Variants in SLC71A2 observed in about 807,000 individuals in gnomAD.
SLC71A2 encodes the protein hippocampus abundant transcript-like 1.
At chr9:94,397,315 T>A in the SLC71A2 span, among the ~76,000 whole-genome samples, 1 of 152,036 alleles carries the variant, frequency 6.6e-6, no homozygotes, top group Non-Finnish European at 1.5e-5. Flanking sequence ...TGCACTATTA[T>A]CAGCTAAAAG....
the SLC71A2 span, among the ~76,000 whole-genome samples, chr9:94,455,900 G>T: frequency 3.3e-5 from 5 of 152,048 alleles, no homozygotes; most frequent in South Asian, 4.2e-4. Context: ...GAGAAAATGT[G>T]GTATTTATAG....
At chr9:94,403,427 C>G in the SLC71A2 span, among the ~76,000 whole-genome samples, 3 of 151,910 alleles carry the variant, frequency 2.0e-5, no homozygotes, top group African/African-American at 7.2e-5. Flanking sequence ...CATGAGCCAC[C>G]GTTACCAGCC....
chr9:94,381,264 G>A, the SLC71A2 span, among the ~76,000 whole-genome samples: 1 of 150,462 alleles, frequency 6.6e-6, no homozygotes, highest in South Asian at 2.1e-4. Context: ...TCAAACTCCC[G>A]ACCTCAGACC....
the SLC71A2 span, among the ~76,000 whole-genome samples, chr9:94,404,981 T>G: frequency 4.0e-4 from 61 of 152,162 alleles, no homozygotes; most frequent in Non-Finnish European, 2.1e-4. Context: ...TGCTTTTATG[T>G]TTAGATTTTT....
the SLC71A2 span, chr9:94,461,006 T>G: frequency 6.6e-6 from 1 of 152,158 alleles, no homozygotes; most frequent in Non-Finnish European, 1.5e-5. Flanking sequence ...AGTTGTAATC[T>G]TTCAGCTGAT....
the SLC71A2 span, among the ~76,000 whole-genome samples, chr9:94,409,129 C>CT: frequency 0.057 from 3,898 of 68,170 alleles, 555 homozygotes; most frequent in East Asian, 0.25. Context: ...GCCCGGCCTC[C>CT]TTTTTTTTTT....
the SLC71A2 span, among the ~76,000 whole-genome samples, chr9:94,454,260 C>T: frequency 4.6e-5 from 7 of 152,278 alleles, no homozygotes; most frequent in South Asian, 6.2e-4. Flanking sequence ...ATAAAGACTA[C>T]CTTTATGTCA....
the SLC71A2 span, chr9:94,458,608 C>T: frequency 5.6e-4 from 432 of 770,290 alleles, 1 homozygote; most frequent in Middle Eastern, 1.1e-3. Flanking sequence ...CATTGCTTCT[C>T]GGGATCAGGG....
chr9:94,458,829 A>G, the SLC71A2 span, among the ~76,000 whole-genome samples: 5 of 152,198 alleles, frequency 3.3e-5, no homozygotes, highest in African/African-American at 4.8e-5. Context: ...CCTCTAAGCC[A>G]TATCTATACA....
chr9:94,449,729 T>G, the SLC71A2 span, among the ~76,000 whole-genome samples: 4 of 152,252 alleles, frequency 2.6e-5, no homozygotes, highest in African/African-American at 9.6e-5. Flanking sequence ...TAGGTATATA[T>G]ACCCATGAGA....
chr9:94,423,330 T>G, the SLC71A2 span, among the ~76,000 whole-genome samples: 1 of 150,544 alleles, frequency 6.6e-6, no homozygotes, highest in Admixed American at 6.6e-5. Context: ...ATCTAAAAAA[T>G]ATTTATTACA....
At chr9:94,458,786 T>C in the SLC71A2 span, among the ~76,000 whole-genome samples, 2 of 152,212 alleles carry the variant, frequency 1.3e-5, no homozygotes, top group African/African-American at 4.8e-5. Context: ...GGGTACTTTT[T>C]GTACTATTTA....
At chr9:94,405,137 A>G in the SLC71A2 span, among the ~76,000 whole-genome samples, 1 of 152,132 alleles carries the variant, frequency 6.6e-6, no homozygotes, top group Non-Finnish European at 1.5e-5. Context: ...CCCTTGTTGC[A>G]TATCATTTGT....
At chr9:94,453,872 TCAGGGAAGGGTCTTC>T in the SLC71A2 span, 5 of 894,442 alleles carry the variant, frequency 5.6e-6, no homozygotes, top group South Asian at 7.0e-5. Context: ...TCTCTGGTCA[TCAGGGAAGGGTCTTC>T]ACACACAGAG....
the SLC71A2 span, among the ~76,000 whole-genome samples, chr9:94,405,830 G>A: frequency 6.6e-6 from 1 of 151,348 alleles, no homozygotes; most frequent in Non-Finnish European, 1.5e-5. Context: ...CTTGCAAAAA[G>A]CATCATTGGG....
chr9:94,443,573 T>A, the SLC71A2 span, among the ~76,000 whole-genome samples: 1 of 152,168 alleles, frequency 6.6e-6, no homozygotes, highest in Non-Finnish European at 1.5e-5. Context: ...AAGTCATTCT[T>A]TAGATTTATT....
chr9:94,444,820 G>A, the SLC71A2 span: 8 of 654,738 alleles, frequency 1.2e-5, no homozygotes, highest in African/African-American at 1.1e-4. Flanking sequence ...AGGGAAGCAT[G>A]GCTGCAGGTA....
the SLC71A2 span, among the ~76,000 whole-genome samples, chr9:94,442,207 A>T: frequency 1.3e-5 from 2 of 152,186 alleles, no homozygotes; most frequent in Non-Finnish European, 2.9e-5. Context: ...TTTTAAATCT[A>T]CTTCCTGGAG....
At chr9:94,379,210 C>T in the SLC71A2 span, among the ~76,000 whole-genome samples, 1 of 150,834 alleles carries the variant, frequency 6.6e-6, no homozygotes, top group South Asian at 2.1e-4. Context: ...CCTCAGCCTC[C>T]CATGTAGCTG....
Sources: allele counts gnomAD v4.1 joint callset (sites outside exome capture counted in the v4.1 genomes callset), GRCh38; gene constraint gnomAD v4.1.1; transcripts MANE v1.5; gene names NCBI Gene and HGNC (gene_info 2026-07-23, HGNC 2026-07-21).